Variants in CCDC171 observed in about 807,000 individuals in gnomAD.
The protein encoded by CCDC171 is coiled-coil domain-containing protein 171.
In CCDC171, 177 loss-of-function variants were observed where a neutral mutation model predicts 168.2. The observed-to-expected ratio is 1.05, with a 90% CI of 0.93 to 1.19. The LOEUF is 1.19. Among genes scored for constraint, CCDC171 ranks in the 50% most tolerant of loss-of-function variants. The probability of loss-of-function intolerance (pLI) is 0.00; values close to 1 mark genes in which losing one functional copy is unlikely to be tolerated. For missense variants in CCDC171, 1,991 were observed against 1,539.0 expected (o/e 1.29, Z -4.91); for synonymous variants, 687 against 540.8 (o/e 1.27, Z -3.75).
At chr9:15,886,366 G>A (rs934114499) in intron 24 of CCDC171, 2 of 152,112 alleles carry the variant, frequency 1.3e-5, no homozygotes, top group African/African-American at 4.8e-5. Flanking sequence ...GTAAAAAGGT[G>A]TTCAACACCG....
chr9:15,723,249 G>A (rs574941596), intron 12 of CCDC171, among the ~76,000 whole-genome samples: 4 of 152,310 alleles, frequency 2.6e-5, no homozygotes, highest in Non-Finnish European at 4.4e-5. Context: ...CATATGGAGT[G>A]AGAGACCAGT....
At chr9:15,682,027 G>A (rs904202412) in intron 10 of CCDC171, among the ~76,000 whole-genome samples, 4 of 151,946 alleles carry the variant, frequency 2.6e-5, no homozygotes, top group African/African-American at 9.7e-5. Flanking sequence ...TGAGGTACCA[G>A]ATTGTTTTCT....
chr9:15,597,260 C>T (rs1389386559), intron 6 of CCDC171, among the ~76,000 whole-genome samples: 3 of 152,174 alleles, frequency 2.0e-5, no homozygotes, highest in East Asian at 1.9e-4. Flanking sequence ...TTTGCCCATT[C>T]AGTATGATAT....
intron 7 of CCDC171, among the ~76,000 whole-genome samples, chr9:15,639,364 A>T (rs1479874877): frequency 6.6e-6 from 1 of 152,050 alleles, no homozygotes; most frequent in Non-Finnish European, 1.5e-5. Context: ...AAATTTGGTA[A>T]ATACTCAAGT....
intron 21 of CCDC171, among the ~76,000 whole-genome samples, chr9:15,812,167 C>T (rs1363547111): frequency 6.6e-6 from 1 of 152,104 alleles, no homozygotes; most frequent in Non-Finnish European, 1.5e-5. Context: ...AAATCTGGAG[C>T]TTAGAAGAAG....
At chr9:16,009,323 G>T in intron 3 of CCDC171, among the ~76,000 whole-genome samples, 1 of 152,178 alleles carries the variant, frequency 6.6e-6, no homozygotes, top group African/African-American at 2.4e-5. Context: ...CTGCATTCCT[G>T]ATATCAAAGT....
chr9:15,988,387 A>G (rs1378691103), intron 3 of CCDC171, among the ~76,000 whole-genome samples: 1 of 152,184 alleles, frequency 6.6e-6, no homozygotes, highest in Admixed American at 6.5e-5. Flanking sequence ...CTCCAGAATC[A>G]TTTGTCTCAT....
Position 15,584,027 on chromosome 9 carries a change from C to T in CCDC171, c.352+5004C>T, listed in dbSNP as rs546750878. ...GATTACAGGTGCCCACCACCACGCC[C>T]GGCTAATTTTCTTGTATTTTTAGTA... On this transcript the variant is annotated intron_variant, in intron 4 of 25. Coordinates refer to ENST00000380701, the MANE Select transcript of CCDC171 (RefSeq NM_173550.4). 1.8e-4 allele frequency among the ~76,000 whole-genome samples: 28 copies of T among 152,182 alleles called. No homozygotes were observed. In the East Asian group the frequency reaches 3.9e-3, roughly 21 times the overall value.
At chr9:15,599,996 C>A (rs544467513) in intron 6 of CCDC171, among the ~76,000 whole-genome samples, 12 of 151,962 alleles carry the variant, frequency 7.9e-5, no homozygotes, top group African/African-American at 2.9e-4. Flanking sequence ...TTTTCAGCTC[C>A]GTCAGGTCCT....
rs1001577918 is a variant in CCDC171, at chr9:15,571,460, A to G, written c.42-164A>G. On this transcript the variant is annotated intron_variant, in intron 2 of 25. Coordinates refer to ENST00000380701, the MANE Select transcript of CCDC171 (RefSeq NM_173550.4). The stretch of plus-strand genomic sequence containing the variant: ...TATATATACTACTTTGTATTTCTAC[A>G]TAGCTTTTGCAGTGGACATCTTTTA... 2.0e-5 allele frequency among the ~76,000 whole-genome samples: 3 copies of G among 152,158 alleles called. No homozygotes were observed. In the East Asian group the frequency reaches 5.8e-4, roughly 29 times the overall value.
At chr9:15,627,425 G>C (rs963931006) in intron 7 of CCDC171, among the ~76,000 whole-genome samples, 11 of 152,018 alleles carry the variant, frequency 7.2e-5, no homozygotes, top group Admixed American at 6.6e-4. Context: ...GTCAATTTTA[G>C]ATCTTTCCTG....
intron 21 of CCDC171, among the ~76,000 whole-genome samples, chr9:15,836,773 C>T (rs890982844): frequency 7.2e-5 from 11 of 152,196 alleles, no homozygotes; most frequent in African/African-American, 2.2e-4. Flanking sequence ...CTGATTTTGA[C>T]AGGACAGGGT....
chr9:15,654,395 T>C (rs1384798016), intron 7 of CCDC171, among the ~76,000 whole-genome samples: 4 of 152,202 alleles, frequency 2.6e-5, no homozygotes, highest in African/African-American at 9.6e-5. Context: ...CAGAACCAGG[T>C]GCATCTACAA....
chr9:15,911,925 G>C (rs1823714818), intron 24 of CCDC171, among the ~76,000 whole-genome samples: 1 of 152,194 alleles, frequency 6.6e-6, no homozygotes, highest in Non-Finnish European at 1.5e-5. Flanking sequence ...TTTGGTACCA[G>C]TACCATGCCG....
At chr9:15,993,780 G>GA (rs1212772308) in intron 3 of CCDC171, among the ~76,000 whole-genome samples, 1 of 152,134 alleles carries the variant, frequency 6.6e-6, no homozygotes, top group African/African-American at 2.4e-5. Context: ...AGTGGCAAAG[G>GA]ATATGAACAG....
the CCDC171 span, among the ~76,000 whole-genome samples, chr9:16,102,486 G>T: frequency 1.5e-5 from 2 of 130,704 alleles, no homozygotes; most frequent in African/African-American, 6.3e-5. Context: ...ATAAACGTGT[G>T]TTGGGGGGGG....
chr9:15,759,434 A>G (rs1240509882), intron 18 of CCDC171, among the ~76,000 whole-genome samples: 1 of 152,164 alleles, frequency 6.6e-6, no homozygotes, highest in Non-Finnish European at 1.5e-5. Context: ...GGAAATCAAC[A>G]TGGATACATT....
intron 6 of CCDC171, 65 bp downstream of exon 6, chr9:15,594,237 T>G: frequency 3.3e-6 from 3 of 900,836 alleles, no homozygotes; most frequent in Non-Finnish European, 5.0e-6. Context: ...CAAAATTACA[T>G]TAGTGGGATA....
chr9:16,042,794 A>G (rs547623725), upstream of CCDC171: 1 of 152,256 alleles, frequency 6.6e-6, no homozygotes, highest in African/African-American at 2.4e-5. Flanking sequence ...TTCATTTCTA[A>G]TAGTTCATTA....
Sources: gnomAD v4.1 joint callset for allele counts (sites outside exome capture counted in the v4.1 genomes callset) on GRCh38, gnomAD v4.1.1 for gene constraint, MANE v1.5 for transcripts, NCBI Gene and HGNC (gene_info 2026-07-23, HGNC 2026-07-21) for gene names.